Variants in SNTG1 observed in about 807,000 individuals in gnomAD.
SNTG1 encodes the protein gamma-1-syntrophin.
In SNTG1, 39 loss-of-function variants were observed where a neutral mutation model predicts 74.7. The observed-to-expected ratio is 0.52, with a 90% CI of 0.40 to 0.68. SNTG1 has a LOEUF of 0.68. SNTG1 is among the 30% of genes least tolerant of loss of function. The pLI is 0.00. For synonymous variants in SNTG1, 254 were observed against 217.1 expected, an observed-to-expected ratio of 1.17 and a Z score of -1.49; for missense variants, 685 against 609.5, an observed-to-expected ratio of 1.12 and a Z score of -1.30.
intron 13 of SNTG1, among the ~76,000 whole-genome samples, chr8:50,606,142 A>C (rs2094810701): frequency 6.6e-6 from 1 of 152,110 alleles, no homozygotes; most frequent in South Asian, 2.1e-4. Context: ...TCTACTCTGG[A>C]ATCTTGCTCT....
intron 1 of SNTG1, among the ~76,000 whole-genome samples, chr8:49,913,171 C>G (rs1805726258): frequency 6.6e-6 from 1 of 152,142 alleles, no homozygotes; most frequent in Admixed American, 6.5e-5. Context: ...AGAATCCGAT[C>G]AATTCCAATG....
At chr8:49,956,962 A>C (rs1489929584) in intron 1 of SNTG1, among the ~76,000 whole-genome samples, 1 of 152,222 alleles carries the variant, frequency 6.6e-6, no homozygotes, top group East Asian at 1.9e-4. Context: ...GAACTCATAG[A>C]AACAGAGAGC....
At chr8:50,412,758 G>T (rs28562037) in intron 4 of SNTG1, among the ~76,000 whole-genome samples, 18 of 152,280 alleles carry the variant, frequency 1.2e-4, no homozygotes, top group African/African-American at 4.3e-4. Context: ...GACAAAAAGT[G>T]TATGCAAAAT....
Position 50,704,709 on chromosome 8 carries a change from G to C in SNTG1, c.1148G>C (p.Arg383Thr). 1 of 1,614,124 alleles carries C rather than the reference G, an allele frequency of 6.2e-7. No individual in the cohort carries two copies. Among genetic ancestry groups the C allele is most frequent in the Non-Finnish European group, 8.5e-7 (1 of 1,180,020 alleles). Residue 383 changes from arginine to threonine, a missense_variant, in exon 16 of 19, where the codon AGA (arginine) becomes ACA (threonine). By Grantham distance (71) the Arg-to-Thr change is moderately conservative (BLOSUM62 -1). Transcript: ENST00000642720. ...ELESDLAQWE[R>T]AFQTATFLEV... is the part of the protein sequence containing the mutation. ...GAAAGTGACCTCGCCCAGTGGGAAAGAGCCTTCCAGACAGCAACCTTTCTA... is the reference window on the plus strand; with the variant it reads ...GAAAGTGACCTCGCCCAGTGGGAAACAGCCTTCCAGACAGCAACCTTTCTA...
At chr8:50,641,026 C>T (rs1370333818) in intron 13 of SNTG1, among the ~76,000 whole-genome samples, 1 of 152,152 alleles carries the variant, frequency 6.6e-6, no homozygotes, top group Non-Finnish European at 1.5e-5. Flanking sequence ...TCAATTGCTT[C>T]TTTACTCTTC....
intron 2 of SNTG1, among the ~76,000 whole-genome samples, chr8:50,176,070 A>G (rs1209546621): frequency 2.0e-5 from 3 of 152,124 alleles, no homozygotes; most frequent in African/African-American, 7.2e-5. Context: ...GCATTTTTAA[A>G]TTACTGAAAC....
chr8:50,276,874 G>A (rs141189066), intron 2 of SNTG1, among the ~76,000 whole-genome samples: 1,545 of 151,900 alleles, frequency 0.01, 28 homozygotes, highest in African/African-American at 0.035. Context: ...GTCTTGCTCC[G>A]TTGCCCAGGC....
intron 2 of SNTG1, among the ~76,000 whole-genome samples, chr8:50,193,841 T>C (rs1477196836): frequency 1.3e-5 from 2 of 152,102 alleles, no homozygotes; most frequent in Non-Finnish European, 2.9e-5. Flanking sequence ...TTAAGGTATG[T>C]CCCTTGTATG....
chr8:50,249,732 C>T (rs2086563056), intron 2 of SNTG1, among the ~76,000 whole-genome samples: 1 of 152,184 alleles, frequency 6.6e-6, no homozygotes, highest in Non-Finnish European at 1.5e-5. Flanking sequence ...ACTGAAGCAT[C>T]TGCACAGAGA....
chr8:50,415,952 TGA>T (rs2093008418), intron 4 of SNTG1, among the ~76,000 whole-genome samples: 1 of 152,160 alleles, frequency 6.6e-6, no homozygotes, highest in Non-Finnish European at 1.5e-5. Flanking sequence ...GTGATTATGA[TGA>T]GAGAGTAAAA....
At chr8:50,674,249 G>C (rs1368357095) in intron 15 of SNTG1, among the ~76,000 whole-genome samples, 2 of 152,088 alleles carry the variant, frequency 1.3e-5, no homozygotes, top group Non-Finnish European at 2.9e-5. Flanking sequence ...CAGAAGGAAT[G>C]GTACCAGCTC....
At chr8:50,401,544 A>G (rs1471069769) in intron 3 of SNTG1, among the ~76,000 whole-genome samples, 1 of 152,116 alleles carries the variant, frequency 6.6e-6, no homozygotes, top group African/African-American at 2.4e-5. Context: ...TAATCTGGGT[A>G]GTTTATTTCA....
intron 1 of SNTG1, among the ~76,000 whole-genome samples, chr8:50,046,742 C>G (rs941688459): frequency 6.6e-6 from 1 of 152,138 alleles, no homozygotes; most frequent in Non-Finnish European, 1.5e-5. Flanking sequence ...TTTTCCTCTG[C>G]CACAAATGCT....
intron 2 of SNTG1, among the ~76,000 whole-genome samples, chr8:50,343,530 A>G (rs1277710600): frequency 1.3e-5 from 2 of 152,224 alleles, no homozygotes; most frequent in African/African-American, 2.4e-5. Flanking sequence ...AACAAAGCCA[A>G]GCAAATCAAT....
At chr8:50,082,877 A>C (rs1046633831) in intron 1 of SNTG1, among the ~76,000 whole-genome samples, 2 of 152,128 alleles carry the variant, frequency 1.3e-5, no homozygotes, top group Non-Finnish European at 2.9e-5. Flanking sequence ...ACAGCTCCCT[A>C]TTACATCCCG....
chr8:50,434,251 G>T (rs1331903495), intron 4 of SNTG1, among the ~76,000 whole-genome samples: 1 of 152,104 alleles, frequency 6.6e-6, no homozygotes, highest in African/African-American at 2.4e-5. Context: ...AGTATTCCAT[G>T]GTATATGTGT....
chr8:50,356,574 G>A (rs1031818612), intron 2 of SNTG1, among the ~76,000 whole-genome samples: 3 of 152,120 alleles, frequency 2.0e-5, no homozygotes, highest in African/African-American at 2.4e-5. Context: ...GCCGGCATCC[G>A]CTGTCTGGTA....
intron 13 of SNTG1, among the ~76,000 whole-genome samples, chr8:50,592,002 A>G (rs956975274): frequency 3.3e-5 from 5 of 152,288 alleles, no homozygotes; most frequent in African/African-American, 4.8e-5. Flanking sequence ...TTGCTCTGTA[A>G]CAACACCTGG....
intron 2 of SNTG1, among the ~76,000 whole-genome samples, chr8:50,374,667 A>G (rs778949982): frequency 5.3e-5 from 8 of 152,196 alleles, no homozygotes; most frequent in Non-Finnish European, 1.2e-4. Flanking sequence ...TTCACTGGAA[A>G]ATAAAGTGAA....
Sources: gnomAD v4.1 joint callset for allele counts (sites outside exome capture counted in the v4.1 genomes callset) on GRCh38, gnomAD v4.1.1 for gene constraint, MANE v1.5 for transcripts, NCBI Gene and HGNC (gene_info 2026-07-23, HGNC 2026-07-21) for gene names.